FGF2: variants seen among roughly 807,000 people sequenced by gnomAD.
The protein encoded by FGF2 is fibroblast growth factor 2, also known as basic fibroblast growth factor bFGF.
Under a neutral mutation model 15.9 loss-of-function variants are expected in FGF2, and 13 were observed. The observed-to-expected ratio is 0.82, with a 90% CI of 0.53 to 1.30. The LOEUF (loss-of-function observed/expected upper bound fraction) is 1.30. FGF2 is among the 50% of genes most tolerant of loss of function. The pLI is 0.00. For synonymous variants in FGF2, 90 were observed against 78.4 expected, an observed-to-expected ratio of 1.15 and a Z score of -0.78; for missense variants, 163 against 196.9, an observed-to-expected ratio of 0.83 and a Z score of 1.03.
chr4:122,887,312 TCAAAACAAAA>T (rs903444994), intron 2 of FGF2, among the ~76,000 whole-genome samples: 6 of 152,148 alleles, frequency 3.9e-5, no homozygotes, highest in Non-Finnish European at 7.4e-5. Context: ...AGACTCTGTC[TCAAAACAAAA>T]CAAAACAAAA....
chr4:122,848,986 T>G (rs2150770316), intron 1 of FGF2, among the ~76,000 whole-genome samples: 1 of 152,322 alleles, frequency 6.6e-6, no homozygotes, highest in East Asian at 1.9e-4. Flanking sequence ...TTCTTTGTAC[T>G]GTGGATCTCC....
chr4:122,842,415 A>G (rs181784976), intron 1 of FGF2, among the ~76,000 whole-genome samples: 121 of 152,346 alleles, frequency 7.9e-4, no homozygotes, highest in Non-Finnish European at 1.5e-3. Context: ...TAGAAACACT[A>G]AAATATGTCT....
rs35597051 is a variant in FGF2 at position 122,830,816 on chromosome 4, C to CAAAAAA, written c.178+3483_178+3488dup. ...AATTTATTCCAGGTGCTCTTATTTA[C>CAAAAAA]AAAAAAAAAAAAAAAAAAAAAAAAT... On this transcript the variant is annotated intron_variant, in intron 1 of 2. Transcript: ENST00000644866. 3.8e-3 allele frequency among the ~76,000 whole-genome samples: 352 copies of CAAAAAA among 92,790 alleles called. 26 individuals are homozygous for CAAAAAA. In the East Asian group the frequency reaches 0.065, roughly 17 times the overall value. The allele number at this position is 92,790 out of a possible 152,430, so 60.9% of individuals were successfully genotyped here. A position where few individuals can be genotyped will look rare whatever the true frequency, so the allele number is the denominator to read the frequency against.
At chr4:122,882,130 A>G (rs1461780499) in intron 2 of FGF2, 1 of 152,232 alleles carries the variant, frequency 6.6e-6, no homozygotes, top group East Asian at 1.9e-4. Flanking sequence ...CTCCCGCAAC[A>G]CATGGGAATT....
rs1175447772 is a variant in FGF2 at position 122,893,369 on chromosome 4, CT to C, written c.*975del. ...AAAGTTTTCAATACAAATTCTTTGCCTTGTGGATATCAAGAAATCCCAAAAT... is the reference window on the plus strand; with the variant it reads ...AAAGTTTTCAATACAAATTCTTTGCCTGTGGATATCAAGAAATCCCAAAAT... On this transcript the variant is annotated 3_prime_UTR_variant, in exon 3 of 3. Transcript: ENST00000644866. The C allele has an allele frequency of 2.9e-6, 2 of 698,942 alleles. No homozygotes were observed. The highest frequency in any genetic ancestry group is 4.3e-6 in the Non-Finnish European group (2 of 466,692). The allele number at this position is 698,942 out of a possible 1,614,324, so 43.3% of individuals were successfully genotyped here.
intron 1 of FGF2, among the ~76,000 whole-genome samples, chr4:122,857,615 T>C (rs781762191): frequency 5.9e-5 from 9 of 152,212 alleles, no homozygotes; most frequent in Non-Finnish European, 1.0e-4. Flanking sequence ...GTTGCTTGTA[T>C]TGGTAGCTCA....
chr4:122,870,338 C>T (rs555221387), intron 1 of FGF2, among the ~76,000 whole-genome samples: 13 of 152,270 alleles, frequency 8.5e-5, no homozygotes, highest in Admixed American at 1.3e-4. Context: ...TGATGCTGGC[C>T]TCATAAAATA....
intron 1 of FGF2, among the ~76,000 whole-genome samples, chr4:122,849,080 A>G (rs1726173686): frequency 6.6e-6 from 1 of 152,182 alleles, no homozygotes; most frequent in South Asian, 2.1e-4. Context: ...GTGCTTCTCC[A>G]CTTTGAAGCT....
chr4:122,837,006 C>T (rs1281081857), intron 1 of FGF2, among the ~76,000 whole-genome samples: 2 of 152,194 alleles, frequency 1.3e-5, no homozygotes, highest in East Asian at 1.9e-4. Flanking sequence ...TCAATCCTTA[C>T]GTCAGTGTGT....
intron 1 of FGF2, among the ~76,000 whole-genome samples, chr4:122,869,189 G>A (rs1726672411): frequency 6.6e-6 from 1 of 151,942 alleles, no homozygotes; most frequent in Non-Finnish European, 1.5e-5. Flanking sequence ...TGCTCCATTG[G>A]TCTATATATC....
At chr4:122,841,021 G>A (rs1354424955) in intron 1 of FGF2, among the ~76,000 whole-genome samples, 1 of 152,182 alleles carries the variant, frequency 6.6e-6, no homozygotes, top group African/African-American at 2.4e-5. Context: ...AGAGTAAGTA[G>A]TAACTAGGGT....
At chr4:122,890,486 T>C (rs867212509) in intron 2 of FGF2, among the ~76,000 whole-genome samples, 1 of 152,228 alleles carries the variant, frequency 6.6e-6, no homozygotes, top group Non-Finnish European at 1.5e-5. Context: ...TAAAACCAAG[T>C]AAATATCCAG....
At chr4:122,843,664 T>C (rs1726043079) in intron 1 of FGF2, among the ~76,000 whole-genome samples, 1 of 152,168 alleles carries the variant, frequency 6.6e-6, no homozygotes, top group African/African-American at 2.4e-5. Flanking sequence ...TATTGTGGGT[T>C]TGGTTCCAGA....
chr4:122,862,924 TGACTCTAG>T (rs1284879076), intron 1 of FGF2, among the ~76,000 whole-genome samples: 2 of 152,234 alleles, frequency 1.3e-5, no homozygotes, highest in Non-Finnish European at 2.9e-5. Flanking sequence ...ATCCAAAAAC[TGACTCTAG>T]GGAGTCATCT....
At chr4:122,844,571 T>TTTTCTTTCTTTC (rs760850966) in intron 1 of FGF2, among the ~76,000 whole-genome samples, 6 of 128,352 alleles carry the variant, frequency 4.7e-5, no homozygotes, top group African/African-American at 2.2e-4. Context: ...CTTTCTTTCT[T>TTTTCTTTCTTTC]TTTCTTTCTT....
rs1399741235 is a variant in FGF2 at position 122,894,388 on chromosome 4, C to G, written c.*1992C>G. ...GGAGGATCGCTTGAGCCCAGGAGTT[C>G]AAGACCAACCTGGTGAAACCCCGTC... On this transcript the variant is annotated 3_prime_UTR_variant, in exon 3 of 3. Transcript: ENST00000644866. 6.6e-6 allele frequency: 1 copy of G among 152,344 alleles called. No homozygotes were observed. Among genetic ancestry groups the G allele is most frequent in the Admixed American group, 6.5e-5 (1 of 15,280 alleles). 9.4% of individuals were successfully genotyped at this position (152,344 alleles called of 1,614,324 possible).
In FGF2 at chr4:122,897,786, T is replaced by G; in HGVS notation, c.*5390T>G. 1 of 764,810 alleles carries G rather than the reference T, an allele frequency of 1.3e-6. No homozygotes were observed. The highest frequency in any genetic ancestry group is 2.2e-6 in the Non-Finnish European group (1 of 452,630). The allele number at this position is 764,810 out of a possible 1,614,324, so 47.4% of individuals were successfully genotyped here. ...TTGGTCAAAGTGGTTGAGAATATAT[T>G]TTTTAGTAATTGCATGCAAAATTTT... On this transcript the variant is annotated 3_prime_UTR_variant, in exon 3 of 3. Coordinates refer to ENST00000644866, the MANE Select transcript of FGF2 (RefSeq NM_001361665.2).
At chr4:122,881,038 G>A (rs1726951941) in intron 2 of FGF2, among the ~76,000 whole-genome samples, 1 of 152,176 alleles carries the variant, frequency 6.6e-6, no homozygotes, top group African/African-American at 2.4e-5. Flanking sequence ...CTTGATGCTT[G>A]CACCCTCTGA....
Position 122,897,378 on chromosome 4 carries a change from A to G in FGF2, c.*4982A>G. Reference sequence around the variant, plus strand: ...CTCATTTTCAGACAGATTAATCCAGAAGCAGTCATAAACAGAAGAATAGGT... The same window carrying G: ...CTCATTTTCAGACAGATTAATCCAGGAGCAGTCATAAACAGAAGAATAGGT... On this transcript the variant is annotated 3_prime_UTR_variant, in exon 3 of 3. Coordinates refer to ENST00000644866, the MANE Select transcript of FGF2 (RefSeq NM_001361665.2). 1 of 475,794 alleles carries G rather than the reference A, an allele frequency of 2.1e-6. No individual in the cohort carries two copies. Among genetic ancestry groups the G allele is most frequent in the South Asian group, 2.7e-5 (1 of 37,144 alleles). 29.5% of individuals were successfully genotyped at this position (475,794 alleles called of 1,614,324 possible).
Sources: allele counts gnomAD v4.1 joint callset (sites outside exome capture counted in the v4.1 genomes callset), GRCh38; gene constraint gnomAD v4.1.1; transcripts MANE v1.5; gene names NCBI Gene and HGNC (gene_info 2026-07-23, HGNC 2026-07-21).